Variants in AKAP12 observed in about 807,000 individuals in gnomAD.
The protein encoded by AKAP12 is A-kinase anchoring protein 12.
AKAP12 carries 32 observed loss-of-function variants against 79.9 expected under a neutral mutation model. The observed-to-expected ratio is 0.40, with a 90% CI of 0.30 to 0.54. The LOEUF (loss-of-function observed/expected upper bound fraction) is 0.54. AKAP12 is among the 20% of genes least tolerant of loss of function. The pLI, the probability that AKAP12 is intolerant of heterozygous loss-of-function variation, is 0.48. For synonymous variants in AKAP12, 808 were observed against 857.0 expected, an observed-to-expected ratio of 0.94 and a Z score of 1.00; for missense variants, 2,074 against 2,177.0, an observed-to-expected ratio of 0.95 and a Z score of 0.94.
rs1451737487 is a variant in AKAP12, at chr6:151,240,774, TGGGGGTGGGGGTG to T, written c.162+56_162+68del. 114 of 60,556 alleles carry T rather than the reference TGGGGGTGGGGGTG, an allele frequency of 1.9e-3. 2 individuals carry two copies. Among genetic ancestry groups the T allele is most frequent in the Non-Finnish European group, 2.3e-3 (80 of 35,542 alleles). 3.8% of individuals were successfully genotyped at this position (60,556 alleles called of 1,614,324 possible). A position where few individuals can be genotyped will look rare whatever the true frequency, so the allele number is the denominator to read the frequency against. On this transcript the variant is annotated intron_variant, in intron 2 of 4. Coordinates refer to ENST00000402676, the MANE Select transcript of AKAP12 (RefSeq NM_005100.4). Reference sequence around the variant, plus strand: ...GCCGGGAGGCGCGGGTCTTTGGGGGTGGGGGTGGGGGTGGGGGGGTCCCTCCGATTTCCGCCGA... The same window carrying T: ...GCCGGGAGGCGCGGGTCTTTGGGGGTGGGGGGTCCCTCCGATTTCCGCCGA...
At chr6:151,301,110 G>T (rs1487301123) in intron 2 of AKAP12, among the ~76,000 whole-genome samples, 3 of 152,046 alleles carry the variant, frequency 2.0e-5, no homozygotes, top group Non-Finnish European at 4.4e-5. Context: ...GGTGGTCCTC[G>T]AATCCCATCT....
At chr6:151,267,027 A>AAG (rs953306372) in intron 2 of AKAP12, among the ~76,000 whole-genome samples, 2 of 151,250 alleles carry the variant, frequency 1.3e-5, no homozygotes, top group African/African-American at 4.8e-5. Flanking sequence ...AAAAAAAAAA[A>AAG]AAAAAAAAAA....
chr6:151,247,939 G>A (rs1317633264), intron 2 of AKAP12, among the ~76,000 whole-genome samples: 2 of 152,166 alleles, frequency 1.3e-5, no homozygotes, highest in East Asian at 3.9e-4. Flanking sequence ...TGATTTCTCT[G>A]TGATGTTTTT....
chr6:151,240,317 G>A, intron 1 of AKAP12, 67 bp from the exon 2 acceptor site: 2 of 379,278 alleles, frequency 5.3e-6, no homozygotes, highest in South Asian at 7.6e-5. Context: ...TGAAGCGAGG[G>A]AAAAACCGGG....
chr6:151,248,484 C>T (rs527927056), intron 2 of AKAP12, among the ~76,000 whole-genome samples: 12 of 151,930 alleles, frequency 7.9e-5, no homozygotes, highest in Non-Finnish European at 1.5e-4. Flanking sequence ...AAGGAGTAGG[C>T]GTAAGAGCTG....
chr6:151,313,736 A>C (rs1425653070), intron 3 of AKAP12, among the ~76,000 whole-genome samples: 1 of 152,174 alleles, frequency 6.6e-6, no homozygotes, highest in African/African-American at 2.4e-5. Flanking sequence ...TTCGTAAATC[A>C]ACTAATTCTA....
intron 2 of AKAP12, among the ~76,000 whole-genome samples, chr6:151,261,705 CA>C (rs1797440036): frequency 6.7e-6 from 1 of 148,990 alleles, no homozygotes; most frequent in Admixed American, 6.7e-5. Flanking sequence ...ATCTCAAAAA[CA>C]AACAAGAACA....
At chr6:151,354,443 G>T (rs1778391359) in intron 4 of AKAP12, among the ~76,000 whole-genome samples, 1 of 151,172 alleles carries the variant, frequency 6.6e-6, no homozygotes, top group East Asian at 1.9e-4. Context: ...GCGCGATCTC[G>T]GCTCACTGCA....
chr6:151,349,858 G>A lies in AKAP12; in HGVS notation c.1467G>A (p.Leu489=), dbSNP rs1419227900. 5 of 1,614,066 alleles carry A rather than the reference G, an allele frequency of 3.1e-6. No individual in the cohort carries two copies. In the African/African-American group the frequency reaches 6.7e-5, roughly 22 times the overall value. ...ACCTCAGTCCTGATGAGAAGGTGCT[G>A]TCCAAACCCCCCGAAGGCGTTGTGA... ...GADLSPDEKV[L]SKPPEGVVSE... Residue 489 remains leucine (L), a synonymous_variant, in exon 4 of 5, where the codon CTG becomes CTA. Coordinates refer to ENST00000402676, the MANE Select transcript of AKAP12 (RefSeq NM_005100.4).
chr6:151,308,115 T>TA lies in AKAP12; in HGVS notation c.319+2213dup, dbSNP rs149288936. Among the ~76,000 whole-genome samples the TA allele has an allele frequency of 4.9e-3, 741 of 152,270 alleles. 3 individuals are homozygous for TA. Among genetic ancestry groups the TA allele is most frequent in the African/African-American group, 0.017 (713 of 41,548 alleles). ...GTTTCGAACTTCTGACCTCAAGTGA[T>TA]ATGCCTGCCTCAGTCCCCCAAAGTG... On this transcript the variant is annotated intron_variant, in intron 3 of 4. Coordinates refer to ENST00000402676, the MANE Select transcript of AKAP12 (RefSeq NM_005100.4).
Position 151,352,317 on chromosome 6 carries a change from C to T in AKAP12, c.3926C>T (p.Thr1309Ile). ...GAAGTTGCCCTTAAAGGTGAAGGGA[C>T]AGAAGAAGCTGAATGTAAAAAGGAT... ...VTEVALKGEG[T>I]EEAECKKDDA... The change falls in exon 4 of 5, where the codon ACA (threonine) becomes ATA (isoleucine). Residue 1309 changes from threonine (T) to isoleucine (I), a missense_variant. By Grantham distance (89) the Thr-to-Ile change is moderately conservative (BLOSUM62 -1). Around this residue, in one of 3 missense-constraint regions of AKAP12, gnomAD observed 614 missense variants for 665.6 expected, o/e 0.92. Transcript: ENST00000402676. 6.2e-7 allele frequency: 1 copy of T among 1,614,120 alleles called. No individual in the cohort carries two copies. Among genetic ancestry groups the T allele is most frequent in the Middle Eastern group, 1.6e-4 (1 of 6,062 alleles).
chr6:151,298,980 G>A (rs1322232610), intron 2 of AKAP12: 2 of 152,210 alleles, frequency 1.3e-5, no homozygotes, highest in Admixed American at 6.5e-5. Context: ...GGGAAGATAT[G>A]AGGGAGGTAA....
intron 3 of AKAP12, among the ~76,000 whole-genome samples, chr6:151,310,927 G>A (rs1777084659): frequency 6.6e-6 from 1 of 152,100 alleles, no homozygotes; most frequent in Non-Finnish European, 1.5e-5. Flanking sequence ...GGTCACATTT[G>A]TTTCTGTGAG....
At chr6:151,321,923 T>G (rs899464788) in intron 3 of AKAP12, among the ~76,000 whole-genome samples, 1 of 125,702 alleles carries the variant, frequency 8.0e-6, no homozygotes, top group African/African-American at 2.8e-5. Flanking sequence ...TTTTTTTTTT[T>G]TTTTTGACAC....
Position 151,240,579 on chromosome 6 carries a change from C to T in AKAP12, c.17C>T (p.Ser6Phe). 1 of 1,446,556 alleles carries T rather than the reference C, an allele frequency of 6.9e-7. No individual in the cohort carries two copies. Among genetic ancestry groups the T allele is most frequent in the Non-Finnish European group, 9.0e-7 (1 of 1,106,164 alleles). The allele number at this position is 1,446,556 out of a possible 1,614,324, so 89.6% of individuals were successfully genotyped here. The part of the protein sequence containing the change: MGAGS[S>F]TEQRSPEQPP... ...GGAGGAGCCATGGGCGCCGGGAGCTCCACCGAGCAGCGCAGCCCGGAGCAG... is the reference window on the plus strand; with the variant it reads ...GGAGGAGCCATGGGCGCCGGGAGCTTCACCGAGCAGCGCAGCCCGGAGCAG... The change falls in exon 2 of 5, where the codon TCC becomes TTC. Residue 6 changes from serine (S) to phenylalanine (F), a missense_variant. Coordinates refer to ENST00000402676, the MANE Select transcript of AKAP12 (RefSeq NM_005100.4).
At chr6:151,272,736 A>C (rs1248673572) in intron 2 of AKAP12, among the ~76,000 whole-genome samples, 1 of 152,120 alleles carries the variant, frequency 6.6e-6, no homozygotes, top group African/African-American at 2.4e-5. Context: ...GGGTTTTACC[A>C]TGCCAGGCTG....
intron 3 of AKAP12, chr6:151,341,635 T>TG: frequency 1.9e-6 from 2 of 1,038,852 alleles, no homozygotes; most frequent in Non-Finnish European, 2.4e-6. Flanking sequence ...GCTGTTGGGC[T>TG]GCCCCTGCCG....
intron 3 of AKAP12, among the ~76,000 whole-genome samples, chr6:151,323,535 A>G (rs569108460): frequency 6.7e-6 from 1 of 149,904 alleles, no homozygotes; most frequent in East Asian, 2.0e-4. Flanking sequence ...CCTGGGTGAC[A>G]AGAGCGAGAC....
In AKAP12 at chr6:151,349,322, A is replaced by G; in HGVS notation, c.931A>G (p.Thr311Ala). The G allele has an allele frequency of 6.2e-7, 1 of 1,614,010 alleles. No individual in the cohort carries two copies. Among genetic ancestry groups the G allele is most frequent in the South Asian group, 1.1e-5 (1 of 91,080 alleles). The change falls in exon 4 of 5, where the codon ACC (threonine) becomes GCC (alanine). Residue 311 changes from threonine (T) to alanine (A), a missense_variant. By Grantham distance (58) the Thr-to-Ala change is moderately conservative. Coordinates refer to ENST00000402676, the MANE Select transcript of AKAP12 (RefSeq NM_005100.4). ...TQGWAGWRKK[T>A]SFRKPKEDEV... ...AGGTTGGGCCGGCTGGCGCAAAAAG[A>G]CCAGTTTCAGGAAGCCGAAGGAGGA...
Sources: allele counts gnomAD v4.1 joint callset (sites outside exome capture counted in the v4.1 genomes callset), GRCh38; gene constraint gnomAD v4.1.1; regional missense constraint gnomAD v4.1.1; transcripts MANE v1.5; gene names NCBI Gene and HGNC (gene_info 2026-07-23, HGNC 2026-07-21).